FHIT: variants seen among roughly 807,000 people sequenced by gnomAD.
FHIT encodes fragile histidine triad diadenosine triphosphatase, also known as bis(5'-adenosyl)-triphosphatase.
In FHIT, 19 loss-of-function variants were observed where a neutral mutation model predicts 17.9. That is an observed-to-expected ratio of 1.06 (90% confidence interval 0.74 to 1.56). The LOEUF (loss-of-function observed/expected upper bound fraction) is 1.56, where lower values mean the gene tolerates loss of function less well. Among genes scored for constraint, FHIT ranks in the 40% most tolerant of loss-of-function variants. The pLI is 0.00. For synonymous variants in FHIT, 81 were observed against 69.7 expected, an observed-to-expected ratio of 1.16 and a Z score of -0.81; for missense variants, 248 against 189.2, an observed-to-expected ratio of 1.31 and a Z score of -1.82.
intron 4 of FHIT, among the ~76,000 whole-genome samples, chr3:60,558,133 G>T (rs180993): frequency 6.6e-6 from 1 of 151,876 alleles, no homozygotes; most frequent in Non-Finnish European, 1.5e-5. Context: ...TTGCCTTTGT[G>T]TATCGCAAAG....
At chr3:60,529,990 C>G (rs1447060933) in intron 5 of FHIT, among the ~76,000 whole-genome samples, 1 of 152,042 alleles carries the variant, frequency 6.6e-6, no homozygotes, top group African/African-American at 2.4e-5. Context: ...TTATGCAATT[C>G]TGAGAAATGT....
intron 2 of FHIT, among the ~76,000 whole-genome samples, chr3:61,155,265 T>C (rs1315732537): frequency 6.6e-6 from 1 of 152,158 alleles, no homozygotes; most frequent in Non-Finnish European, 1.5e-5. Flanking sequence ...ACACAGAGAT[T>C]CAATGTGGTG....
chr3:60,881,301 T>C lies in FHIT; in HGVS notation c.-110-59290A>G, dbSNP rs375325826. 2.0e-4 allele frequency among the ~76,000 whole-genome samples: 31 copies of C among 152,312 alleles called. No homozygotes were observed. In the South Asian group the frequency reaches 6.4e-3, roughly 32 times the overall value. ...ACACATTGATATATAAATTAAATAG[T>C]ATTCAATCCAAAGGGAGAGATAGAC... On this transcript the variant is annotated intron_variant, in intron 3 of 9. Transcript: ENST00000492590.
At chr3:60,311,207 T>C (rs1037254585) in intron 5 of FHIT, among the ~76,000 whole-genome samples, 4 of 152,004 alleles carry the variant, frequency 2.6e-5, no homozygotes, top group African/African-American at 9.7e-5. Context: ...TCTGTTTTCT[T>C]TTTTAACAGT....
At chr3:60,509,591 T>G (rs2034866162) in intron 5 of FHIT, among the ~76,000 whole-genome samples, 1 of 151,386 alleles carries the variant, frequency 6.6e-6, no homozygotes, top group Admixed American at 6.6e-5. Flanking sequence ...ACTTAGAAAT[T>G]ACAATGAAAT....
intron 3 of FHIT, among the ~76,000 whole-genome samples, chr3:61,023,338 A>AAG (rs956274784): frequency 2.0e-5 from 3 of 152,200 alleles, no homozygotes; most frequent in African/African-American, 4.8e-5. Flanking sequence ...TCAAGGAAAT[A>AAG]AGAGAGGACA....
intron 8 of FHIT, among the ~76,000 whole-genome samples, chr3:59,868,734 G>C (rs1208052286): frequency 6.6e-6 from 1 of 152,176 alleles, no homozygotes; most frequent in Non-Finnish European, 1.5e-5. Context: ...CTGACTTCCT[G>C]TTCATCAGGG....
At chr3:61,068,813 A>G (rs1326686067) in intron 2 of FHIT, among the ~76,000 whole-genome samples, 1 of 152,182 alleles carries the variant, frequency 6.6e-6, no homozygotes, top group East Asian at 1.9e-4. Context: ...AAAGTCAATG[A>G]AAGCTTTTAA....
intron 1 of FHIT, among the ~76,000 whole-genome samples, chr3:61,230,870 T>C (rs1226771672): frequency 8.5e-5 from 13 of 152,202 alleles, no homozygotes; most frequent in Admixed American, 8.5e-4. Context: ...AACAATCTAT[T>C]AAATTTGATT....
At chr3:60,858,459 T>C (rs1553750532) in intron 3 of FHIT, among the ~76,000 whole-genome samples, 1 of 152,208 alleles carries the variant, frequency 6.6e-6, no homozygotes, top group African/African-American at 2.4e-5. Flanking sequence ...ATTAAAACAT[T>C]CCAGGAAACC....
intron 4 of FHIT, among the ~76,000 whole-genome samples, chr3:60,593,121 C>G (rs1473323917): frequency 6.6e-6 from 1 of 152,084 alleles, no homozygotes. Flanking sequence ...GTGGGCAGAG[C>G]CCACACTTTC....
chr3:60,650,113 A>G (rs2039957095), intron 4 of FHIT, among the ~76,000 whole-genome samples: 1 of 152,192 alleles, frequency 6.6e-6, no homozygotes, highest in African/African-American at 2.4e-5. Flanking sequence ...CCTAAAATAC[A>G]GTCTGTCTTC....
chr3:60,715,752 C>T, intron 4 of FHIT, among the ~76,000 whole-genome samples: 1 of 151,642 alleles, frequency 6.6e-6, no homozygotes, highest in Admixed American at 6.6e-5. Flanking sequence ...GCTCATGTAC[C>T]CTAAAACTTA....
intron 8 of FHIT, among the ~76,000 whole-genome samples, chr3:59,767,890 G>C (rs190350768): frequency 3.9e-4 from 60 of 152,268 alleles, no homozygotes; most frequent in Admixed American, 1.4e-3. Context: ...CATAGCATTT[G>C]CTAAGCAATA....
intron 3 of FHIT, among the ~76,000 whole-genome samples, chr3:60,904,210 C>T (rs1441283677): frequency 1.3e-5 from 2 of 152,086 alleles, no homozygotes; most frequent in African/African-American, 2.4e-5. Flanking sequence ...ACTAATGATC[C>T]AAAATTCCCA....
intron 5 of FHIT, among the ~76,000 whole-genome samples, chr3:60,021,768 T>A (rs1172506826): frequency 6.6e-6 from 1 of 152,162 alleles, no homozygotes; most frequent in Non-Finnish European, 1.5e-5. Context: ...ACTGTTACAA[T>A]GTCCATGCTG....
chr3:59,814,070 A>ACG (rs1203553830), intron 8 of FHIT, among the ~76,000 whole-genome samples: 5 of 152,036 alleles, frequency 3.3e-5, no homozygotes, highest in African/African-American at 1.2e-4. Flanking sequence ...ACACACACAC[A>ACG]CACACCCGAC....
chr3:61,164,187 T>C (rs748145551), intron 2 of FHIT, among the ~76,000 whole-genome samples: 3 of 152,146 alleles, frequency 2.0e-5, no homozygotes, highest in Non-Finnish European at 4.4e-5. Flanking sequence ...GATAAAAATA[T>C]AAAGTCTCTG....
At chr3:60,569,755 ATTTT>A (rs1553654909) in intron 4 of FHIT, among the ~76,000 whole-genome samples, 3,615 of 77,378 alleles carry the variant, frequency 0.047, 269 homozygotes, top group African/African-American at 0.16. Flanking sequence ...ATATATATAT[ATTTT>A]TTTTTTTTTT....
Sources: gnomAD v4.1 joint callset for allele counts (sites outside exome capture counted in the v4.1 genomes callset) on GRCh38, gnomAD v4.1.1 for gene constraint, MANE v1.5 for transcripts, NCBI Gene and HGNC (gene_info 2026-07-23, HGNC 2026-07-21) for gene names.